FRY: variants seen among roughly 807,000 people sequenced by gnomAD.
The protein encoded by FRY is FRY microtubule binding protein.
In FRY, 128 loss-of-function variants were observed where a neutral mutation model predicts 348.4. The ratio of observed to expected loss-of-function variants is 0.37; its 90% CI spans 0.32 to 0.43. The LOEUF (loss-of-function observed/expected upper bound fraction) is 0.43. FRY is among the 20% of genes least tolerant of loss of function. The pLI is 1.00. For missense variants in FRY, 2,736 were observed against 3,695.2 expected (o/e 0.74, Z 6.73); for synonymous variants, 1,370 against 1,374.7 (o/e 1.00, Z 0.08).
chr13:32,174,599 T>C (rs1178042729), intron 19 of FRY, among the ~76,000 whole-genome samples: 1 of 152,178 alleles, frequency 6.6e-6, no homozygotes, highest in African/African-American at 2.4e-5. Context: ...AATCAACAGC[T>C]AGAATGTAAC....
At position 32,294,509 on chromosome 13, in the gene FRY, A is replaced by G. The variant is rs1169223145; in HGVS notation, c.8722A>G (p.Met2908Val). 1.9e-6 allele frequency: 3 copies of G among 1,614,024 alleles called. No homozygotes were observed. The highest frequency in any genetic ancestry group is 1.3e-5 in the African/African-American group (1 of 74,920). The stretch of plus-strand genomic sequence containing the variant: ...GTCCACTGAAGCAGCCATCCAGTCC[A>G]TGCTGGAGTGCCTGAAGAACAACGA... ...FTSTEAAIQS[M>V]LECLKNNELG... Residue 2908 changes from methionine (M) to valine (V), a missense_variant, in exon 60 of 61, where the codon ATG (methionine) becomes GTG (valine). Around this residue, in one of 9 missense-constraint regions of FRY, gnomAD observed 157 missense variants for 215.2 expected, o/e 0.73. Coordinates refer to ENST00000542859, the MANE Select transcript of FRY (RefSeq NM_023037.3).
rs1887654436 is a variant in FRY, at chr13:32,261,651, C to T, written c.7452C>T (p.Arg2484=). 1 of 1,614,140 alleles carries T rather than the reference C, an allele frequency of 6.2e-7. No homozygotes were observed. Among genetic ancestry groups the T allele is most frequent in the Non-Finnish European group, 8.5e-7 (1 of 1,179,998 alleles). ...TGGACAATTTCAACTGGGGAGTGCG[C>T]AGACGTTCTCTGGACAGCCTGGATA... ...ESMDNFNWGV[R]RRSLDSLDKC... Residue 2484 remains arginine, a synonymous_variant, in exon 52 of 61, where the codon CGC becomes CGT. Coordinates refer to ENST00000542859, the MANE Select transcript of FRY (RefSeq NM_023037.3).
chr13:32,238,609 G>T (rs1303839405), intron 44 of FRY, among the ~76,000 whole-genome samples: 1 of 151,968 alleles, frequency 6.6e-6, no homozygotes, highest in African/African-American at 2.4e-5. Context: ...ACGCCACCAC[G>T]CCCAGCTAAG....
At chr13:32,100,107 A>AT (rs1405981074) in intron 2 of FRY, among the ~76,000 whole-genome samples, 3 of 145,656 alleles carry the variant, frequency 2.1e-5, no homozygotes, top group African/African-American at 7.4e-5. Flanking sequence ...ATTTTATTTT[A>AT]TTTATTTTTA....
At chr13:32,082,240 A>T (rs1231225030) in intron 2 of FRY, among the ~76,000 whole-genome samples, 2 of 150,102 alleles carry the variant, frequency 1.3e-5, no homozygotes, top group African/African-American at 2.4e-5. Context: ...AAAAAAAAAC[A>T]GGAAATAAAA....
chr13:32,077,393 G>A (rs1875152542), intron 1 of FRY, among the ~76,000 whole-genome samples: 1 of 152,152 alleles, frequency 6.6e-6, no homozygotes, highest in African/African-American at 2.4e-5. Flanking sequence ...ATAGGATGCG[G>A]CCAGGGGGAA....
intron 4 of FRY, among the ~76,000 whole-genome samples, chr13:32,121,500 G>A (rs1214571266): frequency 6.6e-6 from 1 of 152,116 alleles, no homozygotes; most frequent in Non-Finnish European, 1.5e-5. Context: ...GGTATCACAT[G>A]TGGTTTTGAT....
chr13:32,221,405 G>A (rs1029676266), intron 36 of FRY, among the ~76,000 whole-genome samples: 1 of 152,192 alleles, frequency 6.6e-6, no homozygotes, highest in Non-Finnish European at 1.5e-5. Context: ...CCAAATACCT[G>A]GGTTAAATCC....
chr13:32,202,310 G>C (rs1017113278), intron 30 of FRY, 46 bp from the exon 31 acceptor site: 1 of 1,413,746 alleles, frequency 7.1e-7, no homozygotes, highest in Non-Finnish European at 1.0e-6. Flanking sequence ...GAGATATCCA[G>C]CTAATGCTTT....
At chr13:32,164,513 T>G (rs1881620184) in intron 17 of FRY, among the ~76,000 whole-genome samples, 1 of 152,130 alleles carries the variant, frequency 6.6e-6, no homozygotes, top group Non-Finnish European at 1.5e-5. Flanking sequence ...CTCAGACACA[T>G]ATTAGTATGT....
At chr13:32,075,507 G>T (rs1394772715) in intron 1 of FRY, among the ~76,000 whole-genome samples, 1 of 152,144 alleles carries the variant, frequency 6.6e-6, no homozygotes, top group Non-Finnish European at 1.5e-5. Context: ...ATTATCTTAT[G>T]TATAGATTAA....
chr13:32,226,117 A>G (rs2138415476), intron 39 of FRY, 143 bp downstream of exon 39: 1 of 698,144 alleles, frequency 1.4e-6, no homozygotes, highest in Non-Finnish European at 2.6e-6. Context: ...TACAATAAAT[A>G]CACACCATTT....
intron 3 of FRY, among the ~76,000 whole-genome samples, chr13:32,113,307 T>C (rs1304978970): frequency 6.6e-6 from 1 of 152,186 alleles, no homozygotes; most frequent in African/African-American, 2.4e-5. Flanking sequence ...CCAGTCTTAT[T>C]ACTATAAAAT....
At chr13:32,249,456 C>CT in intron 48 of FRY, 70 bp from the exon 49 acceptor site, 1 of 1,543,582 alleles carries the variant, frequency 6.5e-7, no homozygotes, top group Non-Finnish European at 8.9e-7. Flanking sequence ...TTGGTTGCTT[C>CT]TGGGGAGAAG....
At chr13:32,123,047 A>G (rs1878773348) in intron 4 of FRY, among the ~76,000 whole-genome samples, 1 of 152,206 alleles carries the variant, frequency 6.6e-6, no homozygotes. Context: ...CAGACAACAC[A>G]AACAAATGGA....
At position 32,150,960 on chromosome 13, in the gene FRY, A is replaced by G. The variant is rs75339662; in HGVS notation, c.1479+1126A>G. ...TCCAGTGACCTCACAGGCTTCTGGA[A>G]TGGCTGCAGCCAGGGTCTCTGGGCC... On this transcript the variant is annotated intron_variant, in intron 14 of 60. Transcript: ENST00000542859. Among the ~76,000 whole-genome samples the G allele has an allele frequency of 6.2e-3, 944 of 152,340 alleles. 14 individuals carry two copies. Among genetic ancestry groups the G allele is most frequent in the African/African-American group, 0.022 (906 of 41,566 alleles).
At chr13:32,102,065 A>T (rs1381297357) in intron 3 of FRY, 49 bp downstream of exon 3, 9 of 1,060,494 alleles carry the variant, frequency 8.5e-6, no homozygotes, top group Non-Finnish European at 1.3e-5. Context: ...TTCAGCATTC[A>T]CGCAAGGCAA....
intron 1 of FRY, among the ~76,000 whole-genome samples, chr13:32,042,634 T>C (rs1872803543): frequency 6.6e-6 from 1 of 152,134 alleles, no homozygotes; most frequent in South Asian, 2.1e-4. Flanking sequence ...CCACCTCAGT[T>C]CCAAATATCT....
chr13:32,253,206 C>T (rs1390026531), intron 50 of FRY, among the ~76,000 whole-genome samples: 1 of 152,198 alleles, frequency 6.6e-6, no homozygotes, highest in Non-Finnish European at 1.5e-5. Context: ...TTGACTAGCC[C>T]TCAGGGCTCT....
Sources: gnomAD v4.1 joint callset for allele counts (sites outside exome capture counted in the v4.1 genomes callset) on GRCh38, gnomAD v4.1.1 for gene constraint, gnomAD v4.1.1 regional missense constraint, MANE v1.5 for transcripts, NCBI Gene and HGNC (gene_info 2026-07-23, HGNC 2026-07-21) for gene names.